Variants in TGFB2 observed in about 807,000 individuals in gnomAD.
The protein encoded by TGFB2 is transforming growth factor beta-2 proprotein.
Under a neutral mutation model 42.7 loss-of-function variants are expected in TGFB2, and 13 were observed. The observed-to-expected ratio is 0.30, with a 90% CI of 0.20 to 0.48. TGFB2 has a LOEUF of 0.48. TGFB2 is among the 20% of genes least tolerant of loss of function. The pLI, the probability that TGFB2 is intolerant of heterozygous loss-of-function variation, is 0.99. For missense variants in TGFB2, 390 were observed against 517.5 expected, an observed-to-expected ratio of 0.75 and a Z score of 2.39; for synonymous variants, 193 against 193.6, an observed-to-expected ratio of 1.00 and a Z score of 0.03.
In TGFB2 at chr1:218,434,339, C is replaced by G. The variant is rs1342706944; in HGVS notation, c.645C>G (p.Asp215Glu). 25 of 1,613,244 alleles carry G rather than the reference C, an allele frequency of 1.5e-5. No individual in the cohort carries two copies. The highest frequency in any genetic ancestry group is 2.0e-5 in the Non-Finnish European group (24 of 1,179,506). ...DAVHEWLHHK[D>E]RNLGFKISLH... ...CCTCCTTGACTTAATGTTTTCCAGACAGGAACCTGGGATTTAAAATAAGCT... is the reference window on the plus strand; with the variant it reads ...CCTCCTTGACTTAATGTTTTCCAGAGAGGAACCTGGGATTTAAAATAAGCT... The change falls in exon 4 of 7, where the codon GAC becomes GAG. Residue 215 changes from aspartate to glutamate, a missense_variant and splice_region_variant. Physicochemically the swap from Asp to Glu is conservative, Grantham distance 45. Coordinates refer to ENST00000366930, the MANE Select transcript of TGFB2 (RefSeq NM_003238.6).
intron 1 of TGFB2, among the ~76,000 whole-genome samples, chr1:218,362,017 A>C (rs1657228128): frequency 6.6e-6 from 1 of 152,234 alleles, no homozygotes; most frequent in Non-Finnish European, 1.5e-5. Context: ...TGTTCCGCCT[A>C]GAAGGTGTAA....
In TGFB2 at chr1:218,405,343, TTTG is replaced by T. The variant is rs10482769; in HGVS notation, c.510+41_510+43del. 8.2e-3 allele frequency: 11,494 copies of T among 1,399,980 alleles called. 126 individuals are homozygous for T. The highest frequency in any genetic ancestry group is 0.057 in the African/African-American group (4,043 of 70,594). The allele number at this position is 1,399,980 out of a possible 1,614,324, so 86.7% of individuals were successfully genotyped here. ...ATTGAGCTATATCAGGTAATGTTCA[TTTG>T]TTGTTGTTGTTGTTGTTGTTGTTGT... On this transcript the variant is annotated intron_variant, in intron 2 of 6. Coordinates refer to ENST00000366930, the MANE Select transcript of TGFB2 (RefSeq NM_003238.6).
intron 4 of TGFB2, among the ~76,000 whole-genome samples, chr1:218,435,006 C>A (rs759033732): frequency 6.6e-6 from 1 of 152,116 alleles, no homozygotes; most frequent in Non-Finnish European, 1.5e-5. Context: ...TGGCTTTCCC[C>A]ACGCTTACCT....
chr1:218,389,246 T>C (rs2102576236), intron 1 of TGFB2, among the ~76,000 whole-genome samples: 1 of 152,282 alleles, frequency 6.6e-6, no homozygotes, highest in Admixed American at 6.5e-5. Flanking sequence ...ACTTAGCTGT[T>C]TGAGAGCGAT....
intron 1 of TGFB2, among the ~76,000 whole-genome samples, chr1:218,378,684 G>A (rs771394927): frequency 4.6e-5 from 7 of 151,830 alleles, no homozygotes; most frequent in Non-Finnish European, 1.0e-4. Context: ...ATAGCTCACT[G>A]CAGCCTGGAA....
chr1:218,392,078 A>G (rs894904458), intron 1 of TGFB2, among the ~76,000 whole-genome samples: 2 of 152,212 alleles, frequency 1.3e-5, no homozygotes, highest in African/African-American at 2.4e-5. Context: ...TCGGCCAGGC[A>G]CGGTGGCTCA....
intron 1 of TGFB2, among the ~76,000 whole-genome samples, chr1:218,396,424 G>C (rs1212095135): frequency 6.6e-6 from 1 of 152,174 alleles, no homozygotes; most frequent in East Asian, 1.9e-4. Context: ...ACCATATTCA[G>C]GAAGCCCCAC....
chr1:218,441,672 A>T lies in TGFB2; in HGVS notation c.*310A>T, dbSNP rs187309381. ...CTGGAAGAATTTATTAGTGTTAATT[A>T]TGTGAACAACGACAACAACAACAAC... On this transcript the variant is annotated 3_prime_UTR_variant, in exon 7 of 7. Transcript: ENST00000366930. 9.4e-6 allele frequency: 2 copies of T among 212,808 alleles called. No homozygotes were observed. Among genetic ancestry groups the T allele is most frequent in the African/African-American group, 2.3e-5 (1 of 42,708 alleles). The allele number at this position is 212,808 out of a possible 1,614,324, so 13.2% of individuals were successfully genotyped here.
chr1:218,430,784 T>G (rs866614888), intron 2 of TGFB2, among the ~76,000 whole-genome samples: 15 of 152,372 alleles, frequency 9.8e-5, no homozygotes, highest in Middle Eastern at 3.4e-3. Context: ...CATGAAGCTG[T>G]AGGAGGAATA....
At chr1:218,427,922 A>G (rs917955426) in intron 2 of TGFB2, among the ~76,000 whole-genome samples, 3 of 152,174 alleles carry the variant, frequency 2.0e-5, no homozygotes, top group Admixed American at 1.3e-4. Context: ...GTCTTCCACA[A>G]TGGTTGAACT....
chr1:218,423,407 T>G (rs1659519821), intron 2 of TGFB2, among the ~76,000 whole-genome samples: 1 of 152,128 alleles, frequency 6.6e-6, no homozygotes, highest in Non-Finnish European at 1.5e-5. Flanking sequence ...CCCGTAGCAT[T>G]GCATGGGGAA....
At chr1:218,414,598 C>T (rs1050122237) in intron 2 of TGFB2, among the ~76,000 whole-genome samples, 1 of 152,064 alleles carries the variant, frequency 6.6e-6, no homozygotes, top group Non-Finnish European at 1.5e-5. Flanking sequence ...GTGCTTGCCT[C>T]ATAAGGAAAC....
intron 1 of TGFB2, among the ~76,000 whole-genome samples, chr1:218,399,514 ATGAACAT>A (rs1658642758): frequency 6.6e-6 from 1 of 152,226 alleles, no homozygotes; most frequent in Admixed American, 6.5e-5. Context: ...TAGTCCTAAT[ATGAACAT>A]TGTAGTGAAA....
rs1659899452 is a variant in TGFB2 at position 218,434,227 on chromosome 1, T to G, written c.643+13T>G. 4.3e-6 allele frequency: 7 copies of G among 1,613,108 alleles called. No individual in the cohort carries two copies. The highest frequency in any genetic ancestry group is 5.1e-6 in the Non-Finnish European group (6 of 1,179,186). On this transcript the variant is annotated intron_variant, in intron 3 of 6. Transcript: ENST00000366930. The stretch of plus-strand genomic sequence containing the variant: ...CTTCACCATAAAGGTTACAAGCCAC[T>G]CTCTCTTTTCCTCCCAAGATGTTCA...
At chr1:218,399,467 G>A (rs548591854) in intron 1 of TGFB2, among the ~76,000 whole-genome samples, 2 of 152,280 alleles carry the variant, frequency 1.3e-5, no homozygotes, top group East Asian at 3.9e-4. Flanking sequence ...CTAGTTAATA[G>A]TATTGTACCA....
At position 218,377,681 on chromosome 1, in the gene TGFB2, C is replaced by T. The variant is rs137947726; in HGVS notation, c.347-27488C>T. ...GCCCCTATGTTGTGCCGTCTTGCCC[C>T]ACCCCCGACCCCTGGGAAGTCCAGT... is the stretch of plus-strand genomic sequence containing the variant. On this transcript the variant is annotated intron_variant, in intron 1 of 6. Transcript: ENST00000366930. Among the ~76,000 whole-genome samples the T allele has an allele frequency of 8.1e-3, 1,212 of 149,278 alleles. 19 individuals are homozygous for T. Among genetic ancestry groups the T allele is most frequent in the African/African-American group, 0.028 (1,141 of 40,918 alleles).
At chr1:218,427,778 G>A (rs1018647814) in intron 2 of TGFB2, among the ~76,000 whole-genome samples, 1 of 152,166 alleles carries the variant, frequency 6.6e-6, no homozygotes, top group African/African-American at 2.4e-5. Flanking sequence ...ATTGTGAATA[G>A]TGCCGCAATA....
At chr1:218,433,406 T>C (rs1022465299) in intron 2 of TGFB2, among the ~76,000 whole-genome samples, 3 of 152,202 alleles carry the variant, frequency 2.0e-5, no homozygotes, top group African/African-American at 7.2e-5. Flanking sequence ...TTTAGGCTGG[T>C]TTGCTTTCAG....
At chr1:218,388,546 G>A (rs961008263) in intron 1 of TGFB2, among the ~76,000 whole-genome samples, 47 of 152,146 alleles carry the variant, frequency 3.1e-4, no homozygotes, top group African/African-American at 1.1e-3. Context: ...CTGAAACATG[G>A]GGGACCTGGT....
Sources: gnomAD v4.1 joint callset for allele counts (sites outside exome capture counted in the v4.1 genomes callset) on GRCh38, gnomAD v4.1.1 for gene constraint, MANE v1.5 for transcripts, NCBI Gene and HGNC (gene_info 2026-07-23, HGNC 2026-07-21) for gene names.